AGMO: variants seen among roughly 807,000 people sequenced by gnomAD.
The protein encoded by AGMO is alkylglycerol monooxygenase.
AGMO carries 75 observed loss-of-function variants against 60.2 expected under a neutral mutation model. The observed-to-expected ratio is 1.25, with a 90% CI of 1.03 to 1.51. AGMO has a LOEUF of 1.51. Among genes scored for constraint, AGMO ranks in the 40% most tolerant of loss-of-function variants. The probability of loss-of-function intolerance (pLI) is 0.00; values close to 1 mark genes in which losing one functional copy is unlikely to be tolerated. For synonymous variants in AGMO, 261 were observed against 177.1 expected, an observed-to-expected ratio of 1.47 and a Z score of -3.76; for missense variants, 763 against 525.5, an observed-to-expected ratio of 1.45 and a Z score of -4.42.
chr7:15,258,547 T>G lies in AGMO; in HGVS notation c.1264-57188A>C, dbSNP rs1393269748. ...CCTGGCAACAGAGCAAGACTCTTTC[T>G]CAAAAAAAAATAAAAAATAAAATAA... On this transcript the variant is annotated intron_variant, in intron 12 of 12. Transcript: ENST00000342526. Among the ~76,000 whole-genome samples, 5 of 150,434 alleles carry G rather than the reference T, an allele frequency of 3.3e-5. No homozygotes were observed. In the East Asian group the frequency reaches 9.8e-4, roughly 29 times the overall value.
chr7:15,560,062 C>A, intron 2 of AGMO, 79 bp downstream of exon 2: 1 of 1,281,372 alleles, frequency 7.8e-7, no homozygotes. Context: ...ACTAATTCTC[C>A]CATGCATTGG....
At chr7:15,475,969 A>G (rs1229144363) in intron 3 of AGMO, among the ~76,000 whole-genome samples, 1 of 152,108 alleles carries the variant, frequency 6.6e-6, no homozygotes. Context: ...TCATGACGTA[A>G]TAGAGCATCA....
chr7:15,273,533 T>G (rs1197969240), intron 12 of AGMO, among the ~76,000 whole-genome samples: 1 of 152,196 alleles, frequency 6.6e-6, no homozygotes, highest in Non-Finnish European at 1.5e-5. Context: ...AGCCTTGTAG[T>G]ATAGTTTGAA....
At chr7:15,283,868 T>C (rs1250943444) in intron 12 of AGMO, among the ~76,000 whole-genome samples, 2 of 151,778 alleles carry the variant, frequency 1.3e-5, no homozygotes. Context: ...AAAAATGAAA[T>C]CATATCAAGT....
chr7:15,202,041 A>G (rs538794801), intron 12 of AGMO, among the ~76,000 whole-genome samples: 1 of 152,230 alleles, frequency 6.6e-6, no homozygotes, highest in African/African-American at 2.4e-5. Flanking sequence ...AGGCACCGAC[A>G]ATTAAAACTA....
the AGMO span, among the ~76,000 whole-genome samples, chr7:15,155,557 C>A: frequency 6.7e-6 from 1 of 148,292 alleles, no homozygotes; most frequent in Non-Finnish European, 1.5e-5. Context: ...TACTATTTTC[C>A]TTGGATTGGG....
intron 3 of AGMO, among the ~76,000 whole-genome samples, chr7:15,483,410 C>CA (rs35937781): frequency 0.42 from 64,051 of 151,682 alleles, 15,674 homozygotes; most frequent in Non-Finnish European, 0.57. Flanking sequence ...ACTAAAAATA[C>CA]AAAAAATTAG....
intron 2 of AGMO, among the ~76,000 whole-genome samples, chr7:15,547,132 A>G (rs1201868342): frequency 2.8e-5 from 4 of 140,622 alleles, no homozygotes; most frequent in Non-Finnish European, 4.9e-5. Flanking sequence ...TGTGCATCAT[A>G]GAATGTATTC....
intron 12 of AGMO, 119 bp downstream of exon 12, chr7:15,365,395 A>AAAAAAAAAAAAAAAAAG (rs1782934174): frequency 2.1e-6 from 1 of 477,684 alleles, no homozygotes; most frequent in East Asian, 3.7e-5. Context: ...AAAAAAAAAA[A>AAAAAAAAAAAAAAAAAG]GATCAAGATT....
intron 2 of AGMO, among the ~76,000 whole-genome samples, chr7:15,551,656 A>G (rs1784964281): frequency 6.6e-6 from 1 of 151,110 alleles, no homozygotes; most frequent in South Asian, 2.1e-4. Context: ...CCACTGCTCA[A>G]GGAAATAAAA....
At chr7:15,340,663 T>C (rs928680585) in intron 12 of AGMO, among the ~76,000 whole-genome samples, 8 of 152,110 alleles carry the variant, frequency 5.3e-5, no homozygotes, top group Non-Finnish European at 1.0e-4. Flanking sequence ...GTTGGTCCTA[T>C]GGGTGTGCAG....
chr7:15,542,083 T>G (rs550180510), intron 3 of AGMO, among the ~76,000 whole-genome samples: 17 of 151,878 alleles, frequency 1.1e-4, no homozygotes, highest in South Asian at 4.2e-4. Flanking sequence ...TTATATGGGG[T>G]TTTTTTTAGC....
the AGMO span, among the ~76,000 whole-genome samples, chr7:15,192,745 C>T: frequency 4.6e-5 from 7 of 152,140 alleles, no homozygotes; most frequent in African/African-American, 9.7e-5. Context: ...CAAAAGTGCC[C>T]GCCCTGGCTC....
At chr7:15,342,263 A>G (rs1781879925) in intron 12 of AGMO, among the ~76,000 whole-genome samples, 1 of 151,246 alleles carries the variant, frequency 6.6e-6, no homozygotes, top group African/African-American at 2.4e-5. Context: ...GCAGCTGAGA[A>G]AGCCATGGTC....
chr7:15,245,850 G>A (rs961973990), intron 12 of AGMO, among the ~76,000 whole-genome samples: 2 of 152,086 alleles, frequency 1.3e-5, no homozygotes, highest in South Asian at 2.1e-4. Context: ...GAATAATGGA[G>A]GAAAAGAAGG....
chr7:15,314,244 AATTG>A (rs1353290139), intron 12 of AGMO, among the ~76,000 whole-genome samples: 6 of 152,148 alleles, frequency 3.9e-5, no homozygotes, highest in Admixed American at 2.6e-4. Context: ...AAAACTCATT[AATTG>A]ATTATTTCTG....
At chr7:15,369,226 T>TA (rs1783105007) in intron 10 of AGMO, among the ~76,000 whole-genome samples, 1 of 152,006 alleles carries the variant, frequency 6.6e-6, no homozygotes, top group East Asian at 1.9e-4. Flanking sequence ...CTAACTGGTC[T>TA]TCCTACTTCT....
intron 3 of AGMO, among the ~76,000 whole-genome samples, chr7:15,431,821 G>C (rs931192013): frequency 6.6e-6 from 1 of 151,710 alleles, no homozygotes; most frequent in Non-Finnish European, 1.5e-5. Flanking sequence ...TATACAGATT[G>C]CTCTCATACT....
At chr7:15,353,132 G>C (rs1782320911) in intron 12 of AGMO, among the ~76,000 whole-genome samples, 1 of 152,112 alleles carries the variant, frequency 6.6e-6, no homozygotes, top group Non-Finnish European at 1.5e-5. Context: ...ATGTCCAGCA[G>C]AAAACCAAGG....
Sources: allele counts gnomAD v4.1 joint callset (sites outside exome capture counted in the v4.1 genomes callset), GRCh38; gene constraint gnomAD v4.1.1; transcripts MANE v1.5; gene names NCBI Gene and HGNC (gene_info 2026-07-23, HGNC 2026-07-21).